TBATA: variants seen among roughly 807,000 people sequenced by gnomAD.
TBATA encodes the protein protein TBATA.
Under a neutral mutation model 38.7 loss-of-function variants are expected in TBATA, and 47 were observed. The ratio of observed to expected loss-of-function variants is 1.21; its 90% CI spans 0.96 to 1.55. TBATA has a LOEUF of 1.55. TBATA is among the 40% of genes most tolerant of loss of function. The pLI, the probability that TBATA is intolerant of heterozygous loss-of-function variation, is 0.00. For synonymous variants in TBATA, 183 were observed against 170.5 expected (o/e 1.07, Z -0.57); for missense variants, 436 against 435.6 (o/e 1.00, Z -0.01).
chr10:70,776,245 C>T (rs868034527), intron 7 of TBATA: 4 of 428,592 alleles, frequency 9.3e-6, no homozygotes, highest in Admixed American at 2.4e-5. Flanking sequence ...GGTCCACCCT[C>T]GTCCCCAGAT....
chr10:70,775,240 T>C lies in TBATA; in HGVS notation c.724A>G (p.Thr242Ala), dbSNP rs1181270623. The C allele has an allele frequency of 2.5e-6, 4 of 1,614,134 alleles. No individual in the cohort carries two copies. Among genetic ancestry groups the C allele is most frequent in the Non-Finnish European group, 8.5e-7 (1 of 1,179,982 alleles). Residue 242 changes from threonine (T) to alanine (A), a missense_variant, in exon 8 of 11, where the codon ACA (threonine) becomes GCA (alanine). Transcript: ENST00000456372. ...VLELLCRILE[T>A]DLLSAIQFWL... is the part of the protein sequence containing the mutation. ...AACTGGATTGCGCTTAGCAAGTCTG[T>C]TTCCAGGATCCGACACAGGAGCTCC...
At chr10:70,782,512 GCTCAGA>G (rs1844374020) in intron 3 of TBATA, 1 of 1,278,418 alleles carries the variant, frequency 7.8e-7, no homozygotes, top group Admixed American at 2.3e-5. Flanking sequence ...AGTAGTCTTG[GCTCAGA>G]CTCAGCGTCC....
intron 6 of TBATA, 122 bp from the exon 7 acceptor site, chr10:70,777,460 C>G (rs1243858388): frequency 1.0e-5 from 9 of 885,712 alleles, no homozygotes; most frequent in African/African-American, 1.7e-5. Flanking sequence ...CAAATCCCAG[C>G]ATCACAGCGT....
chr10:70,771,985 C>A (rs1185133311), intron 10 of TBATA, among the ~76,000 whole-genome samples: 1 of 152,178 alleles, frequency 6.6e-6, no homozygotes, highest in African/African-American at 2.4e-5. Context: ...CAGCTCCTCC[C>A]ACCTGTCTCA....
intron 7 of TBATA, among the ~76,000 whole-genome samples, chr10:70,775,632 G>A (rs1256705630): frequency 1.3e-5 from 2 of 151,904 alleles, no homozygotes; most frequent in Admixed American, 6.5e-5. Context: ...ATTCCCTAGG[G>A]CCCCCTCACT....
At chr10:70,773,874 G>T (rs192175512) in intron 9 of TBATA, among the ~76,000 whole-genome samples, 2 of 152,320 alleles carry the variant, frequency 1.3e-5, no homozygotes, top group East Asian at 3.9e-4. Flanking sequence ...CCACTGCCTT[G>T]TGTTAGCATT....
intron 8 of TBATA, 82 bp downstream of exon 8, chr10:70,775,107 A>T: frequency 7.3e-7 from 1 of 1,378,592 alleles, no homozygotes; most frequent in Non-Finnish European, 1.0e-6. Flanking sequence ...GCTGAGGGAC[A>T]TTTGAGTCCT....
At chr10:70,777,479 T>G in intron 6 of TBATA, 141 bp from the exon 7 acceptor site, 1 of 760,028 alleles carries the variant, frequency 1.3e-6, no homozygotes, top group Non-Finnish European at 2.1e-6. Flanking sequence ...GTTGCCAGGG[T>G]CCCAGGGTAT....
At chr10:70,777,132 G>C in intron 7 of TBATA, 21 bp downstream of exon 7, 2 of 1,607,294 alleles carry the variant, frequency 1.2e-6, no homozygotes, top group Non-Finnish European at 1.7e-6. Context: ...CAGGAGCCTG[G>C]GAGCAGAACT....
Position 70,781,838 on chromosome 10 carries a change from C to T in TBATA, c.240G>A (p.Arg80=). Reference sequence around the variant, plus strand: ...TCACGTGCTGGGGGTGTGGGTGGTGCCGGGAGAAGAAGGAGTGGTGACTGA... The same window carrying T: ...TCACGTGCTGGGGGTGTGGGTGGTGTCGGGAGAAGAAGGAGTGGTGACTGA... ...GRLSHHSFFS[R]HHPHPQHVTH... Residue 80 remains arginine, a synonymous_variant, in exon 4 of 11, where the codon CGG becomes CGA. Coordinates refer to ENST00000456372, the MANE Select transcript of TBATA (RefSeq NM_001318241.2). The T allele has an allele frequency of 6.2e-7, 1 of 1,614,080 alleles. No individual in the cohort carries two copies. Among genetic ancestry groups the T allele is most frequent in the Admixed American group, 1.7e-5 (1 of 60,026 alleles).
intron 1 of TBATA, 65 bp downstream of exon 1, chr10:70,785,220 T>C (rs1211572975): frequency 1.3e-5 from 2 of 152,602 alleles, no homozygotes; most frequent in African/African-American, 4.8e-5. Context: ...AAACTTCCCT[T>C]TCTACCTCTG....
intron 3 of TBATA, chr10:70,782,341 C>T: frequency 2.1e-6 from 3 of 1,410,046 alleles, no homozygotes; most frequent in Non-Finnish European, 2.8e-6. Context: ...GAAAGAGAAG[C>T]TGCAGACCCA....
In TBATA at chr10:70,777,710, C is replaced by T. The variant is rs1247071180; in HGVS notation, c.508-372G>A. On this transcript the variant is annotated intron_variant, in intron 6 of 10. Transcript: ENST00000456372. The stretch of plus-strand genomic sequence containing the variant: ...AGGTCCTCCTTGCTGCTCCTCCCCA[C>T]ACCCATCAGAGATTTGAAAACAGCA... 4 of 394,942 alleles carry T rather than the reference C, an allele frequency of 1.0e-5. No individual in the cohort carries two copies. In the Admixed American group the frequency reaches 1.0e-4, roughly 10 times the overall value. The allele number at this position is 394,942 out of a possible 1,614,324, so 24.5% of individuals were successfully genotyped here. A position where few individuals can be genotyped will look rare whatever the true frequency, so the allele number is the denominator to read the frequency against.
intron 8 of TBATA, among the ~76,000 whole-genome samples, chr10:70,774,629 G>T (rs563784445): frequency 2.6e-5 from 4 of 152,168 alleles, no homozygotes; most frequent in African/African-American, 7.2e-5. Context: ...CCGGGCCCAC[G>T]CTGGGAAGTC....
At chr10:70,773,876 G>A (rs535452940) in intron 9 of TBATA, among the ~76,000 whole-genome samples, 3 of 152,336 alleles carry the variant, frequency 2.0e-5, no homozygotes, top group African/African-American at 7.2e-5. Flanking sequence ...ACTGCCTTGT[G>A]TTAGCATTTT....
intron 2 of TBATA, among the ~76,000 whole-genome samples, chr10:70,784,089 A>G (rs1844596322): frequency 6.6e-6 from 1 of 152,222 alleles, no homozygotes; most frequent in Admixed American, 6.5e-5. Context: ...CACAAGTTCC[A>G]GAGGACCACA....
chr10:70,778,949 G>C (rs1406950680), intron 5 of TBATA, among the ~76,000 whole-genome samples: 1 of 152,224 alleles, frequency 6.6e-6, no homozygotes, highest in Non-Finnish European at 1.5e-5. Flanking sequence ...AGATGCACAT[G>C]GTTTAATCTA....
Position 70,781,884 on chromosome 10 carries a change from C to T in TBATA, c.194G>A (p.Gly65Asp), listed in dbSNP as rs756984614. Residue 65 changes from glycine to aspartate, a missense_variant, in exon 4 of 11, where the codon GGC (glycine) becomes GAC (aspartate). Transcript: ENST00000456372. ...ACTGAGGCGTCCAAAGCAGTAGGTG[C>T]CAGGGGTTTGGGGCTTTGGGGTCCT... ...ALRTPKPQTP[G>D]TYCFGRLSHH... 3 of 1,614,172 alleles carry T rather than the reference C, an allele frequency of 1.9e-6. No homozygotes were observed. Among genetic ancestry groups the T allele is most frequent in the Non-Finnish European group, 2.5e-6 (3 of 1,180,004 alleles).
At chr10:70,783,820 A>G (rs1589426890) in intron 2 of TBATA, among the ~76,000 whole-genome samples, 1 of 152,242 alleles carries the variant, frequency 6.6e-6, no homozygotes. Context: ...TCTTATAATC[A>G]GTATGAGAAA....
Sources: gnomAD v4.1 joint callset for allele counts (sites outside exome capture counted in the v4.1 genomes callset) on GRCh38, gnomAD v4.1.1 for gene constraint, MANE v1.5 for transcripts, NCBI Gene and HGNC (gene_info 2026-07-23, HGNC 2026-07-21) for gene names.